The following ARHGAP31 variants were observed in gnomAD, a reference collection of about 807,000 sequenced individuals.
The protein encoded by ARHGAP31 is Rho GTPase activating protein 31.
A neutral mutation model predicts 113.9 loss-of-function variants in ARHGAP31; 34 were observed. That is an observed-to-expected ratio of 0.30 (90% confidence interval 0.23 to 0.40). The LOEUF (loss-of-function observed/expected upper bound fraction) is 0.40. ARHGAP31 is among the 10% of genes least tolerant of loss of function. The pLI, the probability that ARHGAP31 is intolerant of heterozygous loss-of-function variation, is 1.00. For synonymous variants in ARHGAP31, 650 were observed against 684.8 expected, an observed-to-expected ratio of 0.95 and a Z score of 0.79; for missense variants, 1,548 against 1,767.1, an observed-to-expected ratio of 0.88 and a Z score of 2.22.
In ARHGAP31 at chr3:119,413,948, A is replaced by G. The variant is rs767574138; in HGVS notation, c.2019A>G (p.Pro673=). ...CTGAGGAGGAGCTCTCATCGTTGCCACCTCCTGCTCTGAAGACCAGCCCAA... is the reference window on the plus strand; with the variant it reads ...CTGAGGAGGAGCTCTCATCGTTGCCGCCTCCTGCTCTGAAGACCAGCCCAA... The part of the protein sequence containing the change: ...IESEEELSSL[P]PPALKTSPIQ... The change falls in exon 12 of 12, where the codon CCA becomes CCG. Residue 673 remains proline, a synonymous_variant. Coordinates refer to ENST00000264245, the MANE Select transcript of ARHGAP31 (RefSeq NM_020754.4). 1.2e-5 allele frequency: 19 copies of G among 1,614,016 alleles called. No individual in the cohort carries two copies. The East Asian group carries it at 4.0e-4, about 34-fold the overall frequency.
chr3:119,385,696 G>T lies in ARHGAP31; in HGVS notation c.682+2470G>T, dbSNP rs560362588. Among the ~76,000 whole-genome samples, 4 of 152,272 alleles carry T rather than the reference G, an allele frequency of 2.6e-5. No individual in the cohort carries two copies. The South Asian group carries it at 8.3e-4, about 32-fold the overall frequency. ...TTATTACAGCAAACATGATAAAGTT[G>T]TTATCAACCTTATTTTATACATGAA... is the stretch of plus-strand genomic sequence containing the variant. On this transcript the variant is annotated intron_variant, in intron 6 of 11. Coordinates refer to ENST00000264245, the MANE Select transcript of ARHGAP31 (RefSeq NM_020754.4).
chr3:119,331,905 C>A lies in ARHGAP31; in HGVS notation c.101-33411C>A, dbSNP rs1358715300. Among the ~76,000 whole-genome samples the A allele has an allele frequency of 2.0e-5, 3 of 152,212 alleles. No homozygotes were observed. The East Asian group carries it at 5.8e-4, about 29-fold the overall frequency. ...TGCAGGGCCTGGCTGCCTGCACCGC[C>A]TCACTACACGGCCCATTCCCTTAGG... On this transcript the variant is annotated intron_variant, in intron 1 of 11. Transcript: ENST00000264245.
chr3:119,335,219 C>T (rs1454694174), intron 1 of ARHGAP31, among the ~76,000 whole-genome samples: 4 of 152,172 alleles, frequency 2.6e-5, no homozygotes, highest in Non-Finnish European at 4.4e-5. Flanking sequence ...AGATTTCTAT[C>T]GTAGTTCTTT....
At chr3:119,380,604 GA>G (rs1201240520) in intron 3 of ARHGAP31, among the ~76,000 whole-genome samples, 1 of 114,224 alleles carries the variant, frequency 8.8e-6, no homozygotes, top group Non-Finnish European at 2.0e-5. Flanking sequence ...CTCTACCCCC[GA>G]GACACACCCG....
At chr3:119,302,271 C>A (rs955560249) in intron 1 of ARHGAP31, among the ~76,000 whole-genome samples, 20 of 152,356 alleles carry the variant, frequency 1.3e-4, no homozygotes, top group African/African-American at 4.3e-4. Context: ...CTCTGTCTCT[C>A]TAGACTTTGC....
At chr3:119,321,677 C>G (rs1353038899) in intron 1 of ARHGAP31, among the ~76,000 whole-genome samples, 1 of 151,934 alleles carries the variant, frequency 6.6e-6, no homozygotes. Context: ...GAGACGGAGA[C>G]TCGCTCTGTT....
At chr3:119,322,920 G>A (rs939380057) in intron 1 of ARHGAP31, among the ~76,000 whole-genome samples, 3 of 152,152 alleles carry the variant, frequency 2.0e-5, no homozygotes, top group Non-Finnish European at 4.4e-5. Context: ...CCACGTCCTT[G>A]TCCCTCCTGA....
At chr3:119,337,567 A>G in intron 1 of ARHGAP31, among the ~76,000 whole-genome samples, 1 of 152,166 alleles carries the variant, frequency 6.6e-6, no homozygotes, top group East Asian at 1.9e-4. Flanking sequence ...ATTTGGCCCC[A>G]CCCACATCCT....
intron 1 of ARHGAP31, among the ~76,000 whole-genome samples, chr3:119,305,108 C>T (rs923792864): frequency 1.3e-5 from 2 of 152,078 alleles, no homozygotes; most frequent in Non-Finnish European, 2.9e-5. Context: ...CCTCCTGTCA[C>T]CCAGCCAGGA....
chr3:119,346,856 G>T (rs2080062017), intron 1 of ARHGAP31, among the ~76,000 whole-genome samples: 1 of 152,164 alleles, frequency 6.6e-6, no homozygotes, highest in Admixed American at 6.5e-5. Context: ...GGTGACCTTG[G>T]ATAGGTCCCT....
chr3:119,381,010 C>T (rs531872510), intron 4 of ARHGAP31, 24 bp downstream of exon 4: 35 of 1,594,328 alleles, frequency 2.2e-5, no homozygotes, highest in Admixed American at 3.3e-5. Flanking sequence ...GGAAAAGAAA[C>T]GTGTGGCCTC....
rs2080498864 is a variant in ARHGAP31, at chr3:119,390,956, A to T, written c.854A>T (p.His285Leu). The T allele has an allele frequency of 6.2e-7, 1 of 1,614,068 alleles. No individual in the cohort carries two copies. Among genetic ancestry groups the T allele is most frequent in the African/African-American group, 1.3e-5 (1 of 74,932 alleles). ...EIVPPMGTLF[H>L]TVLELPDNKR... ...GTCCCTCCCATGGGCACCCTCTTCC[A>T]CACTGTCCTTGAGTTACCAGACAAC... Residue 285 changes from histidine (H) to leucine (L), a missense_variant, in exon 7 of 12, where the codon CAC becomes CTC. His to Leu is a moderately conservative substitution (Grantham distance 99, BLOSUM62 -3). Transcript: ENST00000264245.
rs1449325748 is a variant in ARHGAP31, at chr3:119,382,326, A to G, written c.466A>G (p.Ile156Val). 3.1e-6 allele frequency: 5 copies of G among 1,614,024 alleles called. No individual in the cohort carries two copies. The highest frequency in any genetic ancestry group is 3.3e-5 in the Admixed American group (2 of 59,994). The change falls in exon 5 of 12, where the codon ATC becomes GTC. Residue 156 changes from isoleucine (I) to valine (V), a missense_variant. Transcript: ENST00000264245. ...LEYLIRHLAH[I>V]ASFSSKTNMH... ...ATACCTGATTCGACACCTGGCCCAT[A>G]TCGCCTCCTTCAGCAGCAAGACCAA...
At chr3:119,396,173 A>C (rs1289181326) in intron 8 of ARHGAP31, among the ~76,000 whole-genome samples, 1 of 152,250 alleles carries the variant, frequency 6.6e-6, no homozygotes, top group African/African-American at 2.4e-5. Flanking sequence ...AACAATTCCC[A>C]GGCACTGGAT....
At chr3:119,336,440 G>C (rs542299276) in intron 1 of ARHGAP31, among the ~76,000 whole-genome samples, 1 of 152,032 alleles carries the variant, frequency 6.6e-6, no homozygotes, top group African/African-American at 2.4e-5. Context: ...ATGCAGCAGC[G>C]GGAGAGGGAC....
rs1376294483 is a variant in ARHGAP31 at position 119,412,480 on chromosome 3, C to CT, written c.1927-1373dup. Among the ~76,000 whole-genome samples the CT allele has an allele frequency of 4.0e-5, 6 of 151,740 alleles. No individual in the cohort carries two copies. The East Asian group carries it at 7.7e-4, about 20-fold the overall frequency. On this transcript the variant is annotated intron_variant, in intron 11 of 11. Transcript: ENST00000264245. ...CCTTCCATCCTTTTCCTGTCTATAG[C>CT]TTTGGGCCTTATGTAGGGAAAGGGA...
intron 1 of ARHGAP31, among the ~76,000 whole-genome samples, chr3:119,319,374 G>C (rs1386837132): frequency 7.2e-5 from 11 of 152,084 alleles, no homozygotes. Flanking sequence ...ATTGCTTTCT[G>C]TTCTGCTGTA....
At chr3:119,323,767 G>A (rs2079815911) in intron 1 of ARHGAP31, among the ~76,000 whole-genome samples, 2 of 152,204 alleles carry the variant, frequency 1.3e-5, no homozygotes. Context: ...CTGCAAAATG[G>A]AGATGATGTT....
In ARHGAP31 at chr3:119,383,215, T is replaced by A; in HGVS notation, c.671T>A (p.Leu224Gln). ...QIFNNGAPGS[L>Q]ENDENRPIMK... is the part of the protein sequence containing the mutation. ...TTTAACAACGGTGCACCTGGGTCTC[T>A]GGAGAATGATGGTAAGGACTCCTCC... The change falls in exon 6 of 12, where the codon CTG becomes CAG. Residue 224 changes from leucine to glutamine, a missense_variant. Coordinates refer to ENST00000264245, the MANE Select transcript of ARHGAP31 (RefSeq NM_020754.4). 2 of 1,614,202 alleles carry A rather than the reference T, an allele frequency of 1.2e-6. No individual in the cohort carries two copies. The highest frequency in any genetic ancestry group is 1.7e-6 in the Non-Finnish European group (2 of 1,180,032).
Sources: gnomAD v4.1 joint callset for allele counts (sites outside exome capture counted in the v4.1 genomes callset) on GRCh38, gnomAD v4.1.1 for gene constraint, MANE v1.5 for transcripts, NCBI Gene and HGNC (gene_info 2026-07-23, HGNC 2026-07-21) for gene names.